PPARGC1A: variants seen among roughly 807,000 people sequenced by gnomAD.
The protein encoded by PPARGC1A is peroxisome proliferator-activated receptor gamma coactivator 1-alpha.
PPARGC1A carries 25 observed loss-of-function variants against 88.7 expected under a neutral mutation model. That is an observed-to-expected ratio of 0.28 (90% confidence interval 0.21 to 0.39). The LOEUF is 0.39. Among genes scored for constraint, PPARGC1A ranks in the 10% least tolerant of loss-of-function variants. PPARGC1A has a pLI of 1.00. For synonymous variants in PPARGC1A, 363 were observed against 355.6 expected, an observed-to-expected ratio of 1.02 and a Z score of -0.24; for missense variants, 880 against 968.7, an observed-to-expected ratio of 0.91 and a Z score of 1.22.
At chr4:24,054,665 T>C in the PPARGC1A span, among the ~76,000 whole-genome samples, 1 of 152,190 alleles carries the variant, frequency 6.6e-6, no homozygotes, top group East Asian at 1.9e-4. Context: ...GGCAAATGAG[T>C]TTATATTAAC....
chr4:24,410,099 C>T, the PPARGC1A span, among the ~76,000 whole-genome samples: 11 of 152,316 alleles, frequency 7.2e-5, no homozygotes, highest in East Asian at 1.9e-3. Context: ...GTATCCGTAA[C>T]TGAAGCAGAT....
the PPARGC1A span, among the ~76,000 whole-genome samples, chr4:24,387,772 GAA>G: frequency 0.011 from 624 of 57,986 alleles, 20 homozygotes; most frequent in East Asian, 0.058. Context: ...GAGAGAGAAA[GAA>G]AGAAAGAAAG....
the PPARGC1A span, among the ~76,000 whole-genome samples, chr4:24,221,595 T>G: frequency 6.6e-6 from 1 of 152,174 alleles, no homozygotes; most frequent in Non-Finnish European, 1.5e-5. Flanking sequence ...TGCATCATAG[T>G]ACAGAGGAAA....
At chr4:24,295,153 A>G in the PPARGC1A span, among the ~76,000 whole-genome samples, 10 of 152,164 alleles carry the variant, frequency 6.6e-5, no homozygotes, top group African/African-American at 2.2e-4. Context: ...TCAAACCAAA[A>G]TCTCTTCATT....
At chr4:24,370,744 T>G in the PPARGC1A span, among the ~76,000 whole-genome samples, 1 of 133,074 alleles carries the variant, frequency 7.5e-6, no homozygotes, top group Admixed American at 7.5e-5. Flanking sequence ...TTCTCCTGTC[T>G]CTCTCTTTTT....
At chr4:24,194,476 C>T in the PPARGC1A span, among the ~76,000 whole-genome samples, 1 of 152,182 alleles carries the variant, frequency 6.6e-6, no homozygotes, top group Non-Finnish European at 1.5e-5. Flanking sequence ...AAGTCTGCTT[C>T]TCTAGGAAAC....
the PPARGC1A span, among the ~76,000 whole-genome samples, chr4:24,154,333 G>C: frequency 6.6e-6 from 1 of 152,176 alleles, no homozygotes; most frequent in Non-Finnish European, 1.5e-5. Flanking sequence ...ACAGGATCTG[G>C]ACATGACATC....
the PPARGC1A span, among the ~76,000 whole-genome samples, chr4:24,446,919 G>C: frequency 6.6e-6 from 1 of 152,108 alleles, no homozygotes; most frequent in Non-Finnish European, 1.5e-5. Context: ...TAATGCTAGA[G>C]AACTATCTCA....
chr4:24,127,158 T>C, the PPARGC1A span, among the ~76,000 whole-genome samples: 2 of 152,146 alleles, frequency 1.3e-5, no homozygotes, highest in Non-Finnish European at 2.9e-5. Context: ...CCATGCCCTT[T>C]TTATCAACCT....
At chr4:24,143,150 G>T in the PPARGC1A span, among the ~76,000 whole-genome samples, 1 of 152,202 alleles carries the variant, frequency 6.6e-6, no homozygotes, top group African/African-American at 2.4e-5. Context: ...TTGGGGTAAA[G>T]GAGAATTATG....
chr4:23,863,150 G>A lies in PPARGC1A; in HGVS notation c.234+21602C>T, dbSNP rs564200311. Among the ~76,000 whole-genome samples, 18 of 151,750 alleles carry A rather than the reference G, an allele frequency of 1.2e-4. No homozygotes were observed. The East Asian group carries it at 1.6e-3, about 13-fold the overall frequency. On this transcript the variant is annotated intron_variant, in intron 2 of 12. Transcript: ENST00000264867. ...AACAATCTTTATTGATCCTTCCTTC[G>A]GGAAGTCTGCCATATGCATTCCTTC... is the stretch of plus-strand genomic sequence containing the variant.
the PPARGC1A span, among the ~76,000 whole-genome samples, chr4:24,059,090 C>T: frequency 1.5e-3 from 232 of 152,244 alleles, 1 homozygote; most frequent in African/African-American, 5.5e-3. Context: ...ATCCCTCAAG[C>T]GCATTTCCGT....
At chr4:24,084,204 G>T in the PPARGC1A span, among the ~76,000 whole-genome samples, 2 of 152,180 alleles carry the variant, frequency 1.3e-5, no homozygotes, top group African/African-American at 4.8e-5. Flanking sequence ...TTAAATGACC[G>T]AGCAGGTGAT....
chr4:24,107,795 A>G, the PPARGC1A span, among the ~76,000 whole-genome samples: 2 of 152,198 alleles, frequency 1.3e-5, no homozygotes, highest in Non-Finnish European at 2.9e-5. Context: ...TATCATTTAG[A>G]AGGATGATTG....
In PPARGC1A at chr4:23,796,610, A is replaced by G. The variant is rs187934128; in HGVS notation, c.2294-685T>C. Reference sequence around the variant, plus strand: ...TAAGCTTTTGAGCAGTTTCACTGCTACTTCAAATAGACCTTAACAAAATAG... The same window carrying G: ...TAAGCTTTTGAGCAGTTTCACTGCTGCTTCAAATAGACCTTAACAAAATAG... On this transcript the variant is annotated intron_variant, in intron 12 of 12. Coordinates refer to ENST00000264867, the MANE Select transcript of PPARGC1A (RefSeq NM_013261.5). Among the ~76,000 whole-genome samples, 55 of 152,326 alleles carry G rather than the reference A, an allele frequency of 3.6e-4. No individual in the cohort carries two copies. The South Asian group carries it at 5.0e-3, about 14-fold the overall frequency.
the PPARGC1A span, among the ~76,000 whole-genome samples, chr4:24,251,454 C>T: frequency 3.3e-5 from 5 of 152,158 alleles, no homozygotes; most frequent in East Asian, 9.6e-4. Context: ...GTTATGCTGT[C>T]CCGCTTTTTC....
chr4:24,294,363 C>T, the PPARGC1A span, among the ~76,000 whole-genome samples: 3 of 152,138 alleles, frequency 2.0e-5, no homozygotes, highest in Non-Finnish European at 2.9e-5. Context: ...ATGTATATTA[C>T]AGTTCCTCCG....
intron 7 of PPARGC1A, among the ~76,000 whole-genome samples, chr4:23,822,980 T>C (rs563114360): frequency 6.6e-6 from 1 of 152,184 alleles, no homozygotes; most frequent in East Asian, 1.9e-4. Context: ...TAAATAATAT[T>C]TGCTTTCATG....
At chr4:24,168,379 A>T in the PPARGC1A span, among the ~76,000 whole-genome samples, 1 of 152,138 alleles carries the variant, frequency 6.6e-6, no homozygotes, top group Non-Finnish European at 1.5e-5. Flanking sequence ...ACCACATCAC[A>T]ACTTTGTCTC....
Sources: gnomAD v4.1 joint callset for allele counts (sites outside exome capture counted in the v4.1 genomes callset) on GRCh38, gnomAD v4.1.1 for gene constraint, MANE v1.5 for transcripts, NCBI Gene and HGNC (gene_info 2026-07-23, HGNC 2026-07-21) for gene names.